The following TBC1D4 variants were observed in gnomAD, a reference collection of about 807,000 sequenced individuals.
TBC1D4 encodes TBC (Tre-2, BUB2, CDC16) domain-containing protein.
A neutral mutation model predicts 142.5 loss-of-function variants in TBC1D4; 121 were observed. The ratio of observed to expected loss-of-function variants is 0.85; its 90% CI spans 0.73 to 0.99. TBC1D4 has a LOEUF of 0.99. Among genes scored for constraint, TBC1D4 ranks in the 50% least tolerant of loss-of-function variants. The pLI is 0.00. For missense variants in TBC1D4, 1,475 were observed against 1,606.6 expected (o/e 0.92, Z 1.40); for synonymous variants, 630 against 628.2 (o/e 1.00, Z -0.04).
chr13:75,303,972 A>G (rs943980156), intron 15 of TBC1D4, among the ~76,000 whole-genome samples: 2 of 152,122 alleles, frequency 1.3e-5, no homozygotes, highest in African/African-American at 4.8e-5. Flanking sequence ...ACATCTCGAG[A>G]TGTAATCAGT....
At chr13:75,406,768 A>G (rs556994321) in intron 1 of TBC1D4, among the ~76,000 whole-genome samples, 3 of 152,358 alleles carry the variant, frequency 2.0e-5, no homozygotes, top group East Asian at 3.9e-4. Flanking sequence ...AAGGTCCTGC[A>G]TGATTAAACC....
At chr13:75,451,985 C>A (rs566411987) in intron 1 of TBC1D4, among the ~76,000 whole-genome samples, 3 of 151,914 alleles carry the variant, frequency 2.0e-5, no homozygotes, top group Non-Finnish European at 4.4e-5. Flanking sequence ...TAAATTAATT[C>A]TTTAGTACAA....
chr13:75,447,068 C>T (rs1887315443), intron 1 of TBC1D4, among the ~76,000 whole-genome samples: 1 of 152,130 alleles, frequency 6.6e-6, no homozygotes. Context: ...AAATAAAAGC[C>T]TCACTGTGCA....
rs747146091 is a variant in TBC1D4 at position 75,286,527 on chromosome 13, T to C, written c.*265A>G. 8 of 340,214 alleles carry C rather than the reference T, an allele frequency of 2.4e-5. No individual in the cohort carries two copies. Among genetic ancestry groups the C allele is most frequent in the Non-Finnish European group, 3.7e-5 (7 of 187,430 alleles). 21.1% of individuals were successfully genotyped at this position (340,214 alleles called of 1,614,324 possible). A position where few individuals can be genotyped will look rare whatever the true frequency, so the allele number is the denominator to read the frequency against. The stretch of plus-strand genomic sequence containing the variant: ...ATTAATCTAAATATACATCTACTCA[T>C]TTTATCTGAAAGCATGAACTATGTT... On this transcript the variant is annotated 3_prime_UTR_variant, in exon 21 of 21. Transcript: ENST00000377636.
intron 3 of TBC1D4, among the ~76,000 whole-genome samples, chr13:75,358,723 G>C (rs1215529200): frequency 6.6e-6 from 1 of 152,006 alleles, no homozygotes. Context: ...AAGTACCCAG[G>C]CATGGTGGCA....
chr13:75,362,157 T>C lies in TBC1D4; in HGVS notation c.949A>G (p.Ser317Gly). 1.9e-6 allele frequency: 3 copies of C among 1,613,326 alleles called. No homozygotes were observed. The highest frequency in any genetic ancestry group is 2.5e-6 in the Non-Finnish European group (3 of 1,179,990). The change falls in exon 2 of 21, where the codon AGC becomes GGC. Residue 317 changes from serine to glycine, a missense_variant. Coordinates refer to ENST00000377636, the MANE Select transcript of TBC1D4 (RefSeq NM_014832.5). The surrounding 1 kb of genome is among the most constrained non-coding windows in gnomAD (Gnocchi z 4.2). ...DEQQEFRSRC[S>G]SVTGVQRRVH... ...CTCCGTTGCACGCCGGTGACACTGC[T>C]GCACCGAGACCGAAACTCCTGCTGC...
intron 1 of TBC1D4, 75 bp downstream of exon 1, chr13:75,481,195 T>TGCCCCCCCCCCCCC: frequency 2.8e-5 from 36 of 1,292,668 alleles, no homozygotes; most frequent in Non-Finnish European, 3.3e-5. Context: ...TAAAGTGGGG[T>TGCCCCCCCCCCCCC]CCCCGCCCCT....
At chr13:75,320,867 C>CAAAAAAAAAAAA (rs148657060) in intron 11 of TBC1D4, among the ~76,000 whole-genome samples, 10 of 84,286 alleles carry the variant, frequency 1.2e-4, no homozygotes, top group Admixed American at 2.7e-4. Context: ...ACTAAAAATA[C>CAAAAAAAAAAAA]AAAAAAAAAA....
intron 1 of TBC1D4, among the ~76,000 whole-genome samples, chr13:75,419,236 C>T (rs1158089772): frequency 6.6e-6 from 1 of 152,194 alleles, no homozygotes; most frequent in African/African-American, 2.4e-5. Flanking sequence ...GCTGGTCAAG[C>T]TCTGTTGCAA....
intron 1 of TBC1D4, among the ~76,000 whole-genome samples, chr13:75,386,318 G>A (rs1216030022): frequency 2.0e-5 from 3 of 151,646 alleles, no homozygotes; most frequent in Non-Finnish European, 1.5e-5. Context: ...TGGCTTCACA[G>A]TTCTTATAAA....
At chr13:75,395,634 C>T (rs1485259258) in intron 1 of TBC1D4, among the ~76,000 whole-genome samples, 1 of 152,080 alleles carries the variant, frequency 6.6e-6, no homozygotes, top group Admixed American at 6.5e-5. Flanking sequence ...AGTTCGAGAC[C>T]AGCCTGGACA....
chr13:75,387,749 T>C (rs1593827842), intron 1 of TBC1D4, among the ~76,000 whole-genome samples: 1 of 152,220 alleles, frequency 6.6e-6, no homozygotes, highest in Non-Finnish European at 1.5e-5. Flanking sequence ...CACCCAAGAC[T>C]GAAGAAGCAC....
chr13:75,316,678 G>GA (rs751371997), intron 12 of TBC1D4: 2 of 152,136 alleles, frequency 1.3e-5, no homozygotes, highest in Non-Finnish European at 2.9e-5. Context: ...TCAGCAATCT[G>GA]ACATTCTTAA....
At chr13:75,386,545 G>T in intron 1 of TBC1D4, among the ~76,000 whole-genome samples, 1 of 151,704 alleles carries the variant, frequency 6.6e-6, no homozygotes, top group East Asian at 1.9e-4. Flanking sequence ...TCCGCCACCA[G>T]ACCTGGCTAA....
chr13:75,461,021 A>G (rs1887944012), intron 1 of TBC1D4, among the ~76,000 whole-genome samples: 4 of 152,250 alleles, frequency 2.6e-5, no homozygotes, highest in Admixed American at 6.5e-5. Context: ...GGATACTAGC[A>G]GTATACAAGA....
At chr13:75,290,857 T>C (rs747808332) in intron 19 of TBC1D4, among the ~76,000 whole-genome samples, 15 of 152,200 alleles carry the variant, frequency 9.9e-5, no homozygotes, top group Non-Finnish European at 1.8e-4. Context: ...AACTTGCCCA[T>C]AGGTACACAG....
At chr13:75,411,203 C>A (rs1885644573) in intron 1 of TBC1D4, among the ~76,000 whole-genome samples, 1 of 152,106 alleles carries the variant, frequency 6.6e-6, no homozygotes, top group African/African-American at 2.4e-5. Context: ...AACTCAAATT[C>A]TAATACTGAT....
intron 18 of TBC1D4, among the ~76,000 whole-genome samples, chr13:75,293,537 A>G (rs4883992): frequency 0.32 from 48,098 of 152,146 alleles, 8,828 homozygotes; most frequent in Non-Finnish European, 0.4. Context: ...CTCTGGGAAG[A>G]AAAATGTATA....
intron 14 of TBC1D4, among the ~76,000 whole-genome samples, chr13:75,306,683 C>A (rs1161779534): frequency 1.3e-5 from 2 of 152,026 alleles, no homozygotes; most frequent in Admixed American, 1.3e-4. Flanking sequence ...GAATAACCTC[C>A]TAAGGAGGTT....
Sources: allele counts gnomAD v4.1 joint callset (sites outside exome capture counted in the v4.1 genomes callset), GRCh38; gene constraint gnomAD v4.1.1; non-coding constraint Gnocchi (gnomAD v3.1); transcripts MANE v1.5; gene names NCBI Gene and HGNC (gene_info 2026-07-23, HGNC 2026-07-21).